Variants in RGS7 observed in about 807,000 individuals in gnomAD.
The protein encoded by RGS7 is regulator of G protein signaling 7.
Under a neutral mutation model 81.1 loss-of-function variants are expected in RGS7, and 27 were observed. The ratio of observed to expected loss-of-function variants is 0.33; its 90% CI spans 0.25 to 0.46. The LOEUF (loss-of-function observed/expected upper bound fraction) is 0.46, where lower values mean the gene tolerates loss of function less well. Ranked by LOEUF, RGS7 falls within the 20% of genes least tolerant of loss-of-function variation. RGS7 has a pLI of 1.00. For missense variants in RGS7, 396 were observed against 607.4 expected, an observed-to-expected ratio of 0.65 and a Z score of 3.66; for synonymous variants, 208 against 207.7, an observed-to-expected ratio of 1.00 and a Z score of -0.01.
At chr1:241,000,937 G>A (rs1204921415) in intron 3 of RGS7, among the ~76,000 whole-genome samples, 28 of 151,490 alleles carry the variant, frequency 1.8e-4, no homozygotes, top group Non-Finnish European at 1.2e-4. Flanking sequence ...GGTTACAGGT[G>A]TGAGCCACCG....
At chr1:240,988,470 G>A (rs1257942764) in intron 3 of RGS7, among the ~76,000 whole-genome samples, 1 of 152,074 alleles carries the variant, frequency 6.6e-6, no homozygotes, top group Non-Finnish European at 1.5e-5. Context: ...TTCTGTTTGA[G>A]AAATGAAGTG....
intron 2 of RGS7, among the ~76,000 whole-genome samples, chr1:241,272,807 T>A (rs1358067696): frequency 6.6e-6 from 1 of 152,202 alleles, no homozygotes; most frequent in Non-Finnish European, 1.5e-5. Flanking sequence ...AATTTACTAA[T>A]CCCTTCCTCT....
intron 2 of RGS7, among the ~76,000 whole-genome samples, chr1:241,295,408 G>A (rs759806587): frequency 3.9e-5 from 6 of 152,008 alleles, no homozygotes; most frequent in South Asian, 2.1e-4. Flanking sequence ...AGCCGAGATC[G>A]GGCCTCTGCA....
At chr1:241,218,093 T>C (rs984988937) in intron 2 of RGS7, among the ~76,000 whole-genome samples, 4 of 152,206 alleles carry the variant, frequency 2.6e-5, no homozygotes, top group Non-Finnish European at 5.9e-5. Context: ...AATTGCATGA[T>C]GTTCTTCCTC....
At chr1:241,303,704 C>T (rs538911710) in intron 2 of RGS7, among the ~76,000 whole-genome samples, 2 of 152,222 alleles carry the variant, frequency 1.3e-5, no homozygotes, top group Non-Finnish European at 2.9e-5. Flanking sequence ...CCCAACATCT[C>T]TCTTTTTTCT....
intron 9 of RGS7, among the ~76,000 whole-genome samples, chr1:240,850,665 A>G (rs1659938559): frequency 6.6e-6 from 1 of 152,226 alleles, no homozygotes; most frequent in Non-Finnish European, 1.5e-5. Context: ...AGATAGGATG[A>G]GAGCTAAGAC....
chr1:241,199,379 G>A (rs1915874), intron 2 of RGS7, among the ~76,000 whole-genome samples: 35,003 of 151,452 alleles, frequency 0.23, 6,110 homozygotes, highest in African/African-American at 0.49. Context: ...AGCTGAGATT[G>A]CGCCACTGCA....
chr1:241,247,775 A>G (rs978791431), intron 2 of RGS7, among the ~76,000 whole-genome samples: 1 of 152,214 alleles, frequency 6.6e-6, no homozygotes, highest in African/African-American at 2.4e-5. Flanking sequence ...ATTATAAGAT[A>G]TATGTCCTCA....
chr1:240,808,035 C>CAAAA lies in RGS7; in HGVS notation c.1083-1713_1083-1710dup, dbSNP rs34236519. ...GGGCAACAAGAGCAAAACTTCATCT[C>CAAAA]AAAAAAAAAAAAAAAAAAAGGGAAT... On this transcript the variant is annotated intron_variant, in intron 14 of 18. Transcript: ENST00000440928. 5.3e-3 allele frequency among the ~76,000 whole-genome samples: 350 copies of CAAAA among 66,568 alleles called. 3 individuals carry two copies. Among genetic ancestry groups the CAAAA allele is most frequent in the African/African-American group, 0.017 (317 of 19,022 alleles). 43.7% of individuals were successfully genotyped at this position (66,568 alleles called of 152,430 possible).
At chr1:241,050,943 T>G (rs1180194245) in intron 3 of RGS7, among the ~76,000 whole-genome samples, 2 of 152,182 alleles carry the variant, frequency 1.3e-5, no homozygotes, top group Non-Finnish European at 2.9e-5. Flanking sequence ...GCCAAGCTTT[T>G]GGGGAGTCAA....
chr1:241,235,661 TCTC>T (rs2075911285), intron 2 of RGS7, among the ~76,000 whole-genome samples: 4 of 135,826 alleles, frequency 2.9e-5, no homozygotes, highest in South Asian at 2.6e-4. Context: ...TCTCTTTCTT[TCTC>T]TTTCTCTCTC....
intron 4 of RGS7, 76 bp downstream of exon 4, chr1:240,983,002 TA>T: frequency 2.4e-6 from 2 of 821,212 alleles, no homozygotes; most frequent in Non-Finnish European, 2.1e-6. Flanking sequence ...CGTGCCATAT[TA>T]AAATATCCCT....
chr1:240,963,357 G>A (rs1287176108), intron 4 of RGS7, among the ~76,000 whole-genome samples: 1 of 152,134 alleles, frequency 6.6e-6, no homozygotes, highest in Non-Finnish European at 1.5e-5. Context: ...ACCAACAATG[G>A]GCAAAATAAG....
intron 6 of RGS7, among the ~76,000 whole-genome samples, chr1:240,925,525 T>G (rs1674302214): frequency 6.6e-6 from 1 of 152,208 alleles, no homozygotes. Flanking sequence ...TCCAGTACAC[T>G]ATTGATGGGC....
At chr1:241,234,705 T>C (rs1288875734) in intron 2 of RGS7, among the ~76,000 whole-genome samples, 1 of 152,182 alleles carries the variant, frequency 6.6e-6, no homozygotes, top group Non-Finnish European at 1.5e-5. Context: ...TAGGCTGTTA[T>C]TTCCTTGGGT....
intron 2 of RGS7, among the ~76,000 whole-genome samples, chr1:241,135,000 G>C (rs1024006198): frequency 9.2e-5 from 14 of 152,096 alleles, no homozygotes; most frequent in African/African-American, 3.4e-4. Context: ...GAGGCCGTCC[G>C]GGTACTACGT....
chr1:241,118,391 T>G (rs1319030692), intron 2 of RGS7, among the ~76,000 whole-genome samples: 1 of 152,224 alleles, frequency 6.6e-6, no homozygotes, highest in Non-Finnish European at 1.5e-5. Context: ...GTTTTAAAAC[T>G]TTTTCGTCTC....
chr1:241,351,969 G>A (rs2083275667), intron 2 of RGS7, among the ~76,000 whole-genome samples: 1 of 152,154 alleles, frequency 6.6e-6, no homozygotes, highest in Non-Finnish European at 1.5e-5. Context: ...GCCCCAAGGT[G>A]ACCTAGAAAT....
intron 4 of RGS7, among the ~76,000 whole-genome samples, chr1:240,960,981 G>C (rs567219664): frequency 6.6e-6 from 1 of 152,208 alleles, no homozygotes; most frequent in South Asian, 2.1e-4. Context: ...TTTTAATTAA[G>C]TAAAATTATG....
Sources: allele counts gnomAD v4.1 joint callset (sites outside exome capture counted in the v4.1 genomes callset), GRCh38; gene constraint gnomAD v4.1.1; transcripts MANE v1.5; gene names NCBI Gene and HGNC (gene_info 2026-07-23, HGNC 2026-07-21).